Variants in MYOCD observed in about 807,000 individuals in gnomAD.
MYOCD encodes myocardin.
In MYOCD, 32 loss-of-function variants were observed where a neutral mutation model predicts 96.1. The ratio of observed to expected loss-of-function variants is 0.33; its 90% CI spans 0.25 to 0.45. MYOCD has a LOEUF of 0.45. Among genes scored for constraint, MYOCD ranks in the 20% least tolerant of loss-of-function variants. The pLI, the probability that MYOCD is intolerant of heterozygous loss-of-function variation, is 1.00. For synonymous variants in MYOCD, 469 were observed against 469.0 expected (o/e 1.00, Z 0.00); for missense variants, 1,133 against 1,200.6 (o/e 0.94, Z 0.83).
intron 7 of MYOCD, among the ~76,000 whole-genome samples, chr17:12,740,263 G>A (rs971712687): frequency 1.3e-5 from 2 of 152,134 alleles, no homozygotes; most frequent in Non-Finnish European, 2.9e-5. Context: ...AGATTGTAGT[G>A]CACCCGTCAC....
chr17:12,768,793 G>A lies in MYOCD; in HGVS notation c.*5149G>A, dbSNP rs1165480913. The A allele has an allele frequency of 6.6e-6, 1 of 151,692 alleles. No homozygotes were observed. Among genetic ancestry groups the A allele is most frequent in the African/African-American group, 2.4e-5 (1 of 41,222 alleles). 9.4% of individuals were successfully genotyped at this position (151,692 alleles called of 1,614,324 possible). A position where few individuals can be genotyped will look rare whatever the true frequency, so the allele number is the denominator to read the frequency against. ...CTTGTGGAGTGGTGTTTTCACGTTG[G>A]TCTCTTTGGCTCAATTGAGCATAAT... On this transcript the variant is annotated 3_prime_UTR_variant, in exon 14 of 14. Coordinates refer to ENST00000425538, the MANE Select transcript of MYOCD (RefSeq NM_001146312.3).
At chr17:12,688,831 T>C (rs909984353) in intron 1 of MYOCD, among the ~76,000 whole-genome samples, 1 of 152,074 alleles carries the variant, frequency 6.6e-6, no homozygotes, top group Non-Finnish European at 1.5e-5. Context: ...GGCAAAAGTA[T>C]TGCCTTACAA....
Position 12,767,103 on chromosome 17 carries a change from C to T in MYOCD, c.*3459C>T, listed in dbSNP as rs1286801700. 3 of 151,990 alleles carry T rather than the reference C, an allele frequency of 2.0e-5. No homozygotes were observed. The highest frequency in any genetic ancestry group is 2.9e-5 in the Non-Finnish European group (2 of 67,984). 9.4% of individuals were successfully genotyped at this position (151,990 alleles called of 1,614,324 possible). On this transcript the variant is annotated 3_prime_UTR_variant, in exon 14 of 14. Coordinates refer to ENST00000425538, the MANE Select transcript of MYOCD (RefSeq NM_001146312.3). ...AGGAGGGAAGGAAAAAAGGGCCAAA[C>T]TTTCTGATCTATGAACTTCTCAGTT...
rs894002722 is a variant in MYOCD, at chr17:12,751,310, G to A, written c.1126-1104G>A. ...ATGTATATATATATGTACATACATT[G>A]TTTATATAATTTTTAGAAAAATAGT... On this transcript the variant is annotated intron_variant, in intron 9 of 13. Coordinates refer to ENST00000425538, the MANE Select transcript of MYOCD (RefSeq NM_001146312.3). Among the ~76,000 whole-genome samples, 13 of 151,324 alleles carry A rather than the reference G, an allele frequency of 8.6e-5. No homozygotes were observed. The East Asian group carries it at 1.2e-3, about 14-fold the overall frequency.
At chr17:12,734,504 C>CTTTTTTTTTTTT (rs3050319) in intron 5 of MYOCD, among the ~76,000 whole-genome samples, 2 of 65,476 alleles carry the variant, frequency 3.1e-5, no homozygotes, top group Non-Finnish European at 5.2e-5. Flanking sequence ...ACACATGATC[C>CTTTTTTTTTTTT]TTTTTTTTTT....
At chr17:12,760,501 A>T (rs755973340) in intron 12 of MYOCD, 149 bp from the exon 13 acceptor site, 123 of 649,338 alleles carry the variant, frequency 1.9e-4, no homozygotes, top group Non-Finnish European at 3.1e-4. Context: ...TTGATAGTAA[A>T]TTTAAAGTTA....
chr17:12,676,484 T>A (rs1046618094), intron 1 of MYOCD, among the ~76,000 whole-genome samples: 1 of 152,202 alleles, frequency 6.6e-6, no homozygotes, highest in African/African-American at 2.4e-5. Context: ...TTAAATTTTC[T>A]TATGTTCTTT....
At chr17:12,714,673 T>C (rs904704820) in intron 2 of MYOCD, among the ~76,000 whole-genome samples, 8 of 152,158 alleles carry the variant, frequency 5.3e-5, no homozygotes, top group Admixed American at 5.2e-4. Flanking sequence ...CAAAGGAGTT[T>C]ATTAAATCCC....
At chr17:12,672,156 G>A (rs1488156730) in intron 1 of MYOCD, 3 of 152,138 alleles carry the variant, frequency 2.0e-5, no homozygotes, top group African/African-American at 7.2e-5. Flanking sequence ...ACTTCTATGA[G>A]GGAAAGATCT....
At chr17:12,679,174 A>G (rs1446754074) in intron 1 of MYOCD, among the ~76,000 whole-genome samples, 5 of 151,814 alleles carry the variant, frequency 3.3e-5, no homozygotes, top group Non-Finnish European at 7.4e-5. Flanking sequence ...TCCTCTCTCA[A>G]CCTAACAGTC....
chr17:12,682,063 G>A (rs1346341388), intron 1 of MYOCD, among the ~76,000 whole-genome samples: 4 of 152,126 alleles, frequency 2.6e-5, no homozygotes, highest in Non-Finnish European at 1.5e-5. Flanking sequence ...GCCAGGATTA[G>A]GGCAAGACCG....
In MYOCD at chr17:12,752,579, C is replaced by T. The variant is rs200253277; in HGVS notation, c.1291C>T (p.Pro431Ser). ...TTTTCCTGTCACACCCAACACGCTG[C>T]CCAATTACCAGTCTTCCTCTTCTAC... ...VTFPVTPNTLPNYQSSSSTSA... is the reference protein window; with the variant it reads ...VTFPVTPNTLSNYQSSSSTSA... Residue 431 changes from proline to serine, a missense_variant, in exon 10 of 14, where the codon CCC (proline) becomes TCC (serine). Physicochemically the swap from Pro to Ser is moderately conservative, Grantham distance 74. Coordinates refer to ENST00000425538, the MANE Select transcript of MYOCD (RefSeq NM_001146312.3). 2.5e-6 allele frequency: 4 copies of T among 1,614,142 alleles called. No individual in the cohort carries two copies. The East Asian group carries it at 8.9e-5, about 36-fold the overall frequency.
rs1324418749 is a variant in MYOCD at position 12,763,380 on chromosome 17, C to G, written c.2697C>G (p.Phe899Leu). ...GFSGKAAEDL[F>L]NAHEILPGPL... is the part of the protein sequence containing the mutation. ...CTGGGAAGGCTGCAGAAGACCTCTT[C>G]AATGCACATGAGATCTTGCCAGGCC... Residue 899 changes from phenylalanine to leucine, a missense_variant, in exon 14 of 14, where the codon TTC becomes TTG. By Grantham distance (22) the Phe-to-Leu change is conservative. Coordinates refer to ENST00000425538, the MANE Select transcript of MYOCD (RefSeq NM_001146312.3). 6.2e-7 allele frequency: 1 copy of G among 1,600,930 alleles called. No homozygotes were observed. The highest frequency in any genetic ancestry group is 2.2e-5 in the East Asian group (1 of 44,756).
At chr17:12,703,145 G>C (rs890752438) in intron 1 of MYOCD, among the ~76,000 whole-genome samples, 1 of 151,838 alleles carries the variant, frequency 6.6e-6, no homozygotes, top group African/African-American at 2.4e-5. Flanking sequence ...GGGGGGCGGG[G>C]TGTTTATCTG....
intron 7 of MYOCD, among the ~76,000 whole-genome samples, chr17:12,741,454 TC>T (rs1250090362): frequency 6.6e-6 from 1 of 152,204 alleles, no homozygotes; most frequent in Admixed American, 6.5e-5. Flanking sequence ...ACGCCTGTAA[TC>T]CCAGCACTTT....
chr17:12,760,549 A>T lies in MYOCD; in HGVS notation c.2332-101A>T. 4 of 959,376 alleles carry T rather than the reference A, an allele frequency of 4.2e-6. No homozygotes were observed. The South Asian group carries it at 5.4e-5, about 13-fold the overall frequency. 59.4% of individuals were successfully genotyped at this position (959,376 alleles called of 1,614,324 possible). ...CACAATTGGAAAAAAAAATACCTTG[A>T]CCAAACCTAGTTCAAAATCTTGCAG... On this transcript the variant is annotated intron_variant, in intron 12 of 13. Transcript: ENST00000425538.
Position 12,754,736 on chromosome 17 carries a change from A to G in MYOCD, c.2058+1390A>G, listed in dbSNP as rs568294112. ...TCAAGTTGAGAAAGGTTACATTATC[A>G]AAAGGTTCTGACATCACCATTATTA... On this transcript the variant is annotated intron_variant, in intron 10 of 13. Transcript: ENST00000425538. Among the ~76,000 whole-genome samples the G allele has an allele frequency of 6.6e-5, 10 of 152,364 alleles. No homozygotes were observed. In the East Asian group the frequency reaches 1.2e-3, roughly 18 times the overall value.
At chr17:12,671,440 C>T (rs762656676) in intron 1 of MYOCD, among the ~76,000 whole-genome samples, 111 of 151,894 alleles carry the variant, frequency 7.3e-4, no homozygotes, top group Admixed American at 1.2e-3. Context: ...GGGGTGTAGC[C>T]GAAAGGTAAG....
chr17:12,718,311 G>A lies in MYOCD; in HGVS notation c.253+890G>A, dbSNP rs75196739. On this transcript the variant is annotated intron_variant, in intron 4 of 13. Coordinates refer to ENST00000425538, the MANE Select transcript of MYOCD (RefSeq NM_001146312.3). Reference sequence around the variant, plus strand: ...GTATGGAAGAGGATCAAAGAAAAGAGCCATCGGAATCAGAATGGACAGGGG... The same window carrying A: ...GTATGGAAGAGGATCAAAGAAAAGAACCATCGGAATCAGAATGGACAGGGG... Among the ~76,000 whole-genome samples, 599 of 152,266 alleles carry A rather than the reference G, an allele frequency of 3.9e-3. 2 individuals are homozygous for A. Among genetic ancestry groups the A allele is most frequent in the African/African-American group, 0.014 (564 of 41,548 alleles).
Sources: allele counts gnomAD v4.1 joint callset (sites outside exome capture counted in the v4.1 genomes callset), GRCh38; gene constraint gnomAD v4.1.1; transcripts MANE v1.5; gene names NCBI Gene and HGNC (gene_info 2026-07-23, HGNC 2026-07-21).